Variants in PROS1 observed in about 807,000 individuals in gnomAD.
The protein encoded by PROS1 is protein S.
In PROS1, 29 loss-of-function variants were observed where a neutral mutation model predicts 75.9. The observed-to-expected ratio is 0.38, with a 90% CI of 0.28 to 0.52. The LOEUF (loss-of-function observed/expected upper bound fraction) is 0.52, where lower values mean the gene tolerates loss of function less well. PROS1 is among the 20% of genes least tolerant of loss of function. The probability of loss-of-function intolerance (pLI) is 0.83; values close to 1 mark genes in which losing one functional copy is unlikely to be tolerated. For missense variants in PROS1, 680 were observed against 810.3 expected, an observed-to-expected ratio of 0.84 and a Z score of 1.95; for synonymous variants, 245 against 280.6, an observed-to-expected ratio of 0.87 and a Z score of 1.27.
chr3:93,916,670 A>T (rs1407116751), intron 3 of PROS1, among the ~76,000 whole-genome samples: 1 of 152,184 alleles, frequency 6.6e-6, no homozygotes, highest in Non-Finnish European at 1.5e-5. Flanking sequence ...CTGTAAACTG[A>T]TGCGGAAGCT....
intron 1 of PROS1, among the ~76,000 whole-genome samples, chr3:93,967,102 A>C (rs190045410): frequency 6.6e-6 from 1 of 152,232 alleles, no homozygotes; most frequent in African/African-American, 2.4e-5. Flanking sequence ...GCCACACTGG[A>C]TCTGCCACAT....
chr3:93,937,745 T>G (rs1709208370), intron 1 of PROS1, among the ~76,000 whole-genome samples: 2 of 152,192 alleles, frequency 1.3e-5, no homozygotes, highest in South Asian at 4.1e-4. Context: ...CTGCCTGTCT[T>G]TGGTTTCACT....
At position 93,973,893 on chromosome 3, in the gene PROS1, G is replaced by C; in HGVS notation, c.-144C>G. On this transcript the variant is annotated 5_prime_UTR_variant, in exon 1 of 15. Transcript: ENST00000394236. ...GCCAGCGACCCAGCGAGCCTCGGCG[G>C]AACAGCCGGGGGCGGAGGAGACCGC... The C allele has an allele frequency of 1.8e-6, 1 of 545,036 alleles. No homozygotes were observed. Among genetic ancestry groups the C allele is most frequent in the Non-Finnish European group, 2.9e-6 (1 of 346,742 alleles). 33.8% of individuals were successfully genotyped at this position (545,036 alleles called of 1,614,324 possible).
At chr3:93,918,001 C>A (rs1429633402) in intron 3 of PROS1, among the ~76,000 whole-genome samples, 1 of 152,206 alleles carries the variant, frequency 6.6e-6, no homozygotes, top group Non-Finnish European at 1.5e-5. Context: ...GGCAGCTCCA[C>A]CTGCAGCCCC....
chr3:93,945,696 C>A (rs1295809549), intron 1 of PROS1, among the ~76,000 whole-genome samples: 1 of 152,108 alleles, frequency 6.6e-6, no homozygotes, highest in Non-Finnish European at 1.5e-5. Context: ...AACCCACAGC[C>A]AATATCATAC....
Position 93,876,544 on chromosome 3 carries a change from G to T in PROS1, c.1870+422C>A, listed in dbSNP as rs555036778. On this transcript the variant is annotated intron_variant, in intron 14 of 14. Transcript: ENST00000394236. ...GCGGAGCTTGCAGTGAGCCGAGATC[G>T]TGCCACTGCACTCCAGCCTGGGCGA... Among the ~76,000 whole-genome samples the T allele has an allele frequency of 1.9e-4, 26 of 133,514 alleles. No individual in the cohort carries two copies. In the Admixed American group the frequency reaches 2.2e-3, roughly 11 times the overall value. 87.6% of individuals were successfully genotyped at this position (133,514 alleles called of 152,430 possible).
intron 14 of PROS1, among the ~76,000 whole-genome samples, chr3:93,875,683 ATCTATCTGTCTGTCTT>A (rs1708175298): frequency 1.4e-5 from 2 of 147,984 alleles, no homozygotes; most frequent in African/African-American, 5.0e-5. Flanking sequence ...TCTATCATCT[ATCTATCTGTCTGTCTT>A]TCTATAGCTT....
chr3:93,885,217 G>C (rs186153590), intron 11 of PROS1, among the ~76,000 whole-genome samples: 1 of 152,070 alleles, frequency 6.6e-6, no homozygotes, highest in Admixed American at 6.6e-5. Flanking sequence ...TGTGGCCCTG[G>C]GCTCTAAGTT....
At chr3:93,971,359 A>G (rs1238651589) in intron 1 of PROS1, among the ~76,000 whole-genome samples, 4 of 1,490 alleles carry the variant, frequency 2.7e-3, no homozygotes, top group Admixed American at 0.014. Context: ...CCATCTCTAA[A>G]TAAATAAATA....
rs1559928048 is a variant in PROS1, at chr3:93,879,198, C to T, written c.1609G>A (p.Val537Met). 6 of 1,613,996 alleles carry T rather than the reference C, an allele frequency of 3.7e-6. No homozygotes were observed. Among genetic ancestry groups the T allele is most frequent in the South Asian group, 1.1e-5 (1 of 91,080 alleles). Residue 537 changes from valine (V) to methionine (M), a missense_variant, in exon 13 of 15, where the codon GTG becomes ATG. Coordinates refer to ENST00000394236, the MANE Select transcript of PROS1 (RefSeq NM_000313.4). ...VSGNNTVPFA[V>M]SLVDSTSEKS... ...TCAGAGGTGGAGTCCACCAAGGACA[C>T]AGCAAAGGGCACTGTGTTGTTACCA... is the stretch of plus-strand genomic sequence containing the variant.
At chr3:93,905,753 A>G in intron 6 of PROS1, 31 bp downstream of exon 6, 5 of 1,604,238 alleles carry the variant, frequency 3.1e-6, no homozygotes, top group Admixed American at 1.7e-5. Context: ...CACATAGTAA[A>G]TGTGTTTTAA....
At chr3:93,898,800 C>T (rs1407947752) in intron 7 of PROS1, among the ~76,000 whole-genome samples, 1 of 151,784 alleles carries the variant, frequency 6.6e-6, no homozygotes, top group Non-Finnish European at 1.5e-5. Flanking sequence ...TAATTTATAA[C>T]TTTCAGTGAT....
intron 7 of PROS1, among the ~76,000 whole-genome samples, chr3:93,899,076 T>C (rs1348980857): frequency 6.6e-6 from 1 of 151,420 alleles, no homozygotes; most frequent in African/African-American, 2.4e-5. Context: ...AGGAATTAAA[T>C]GACAATATCA....
At chr3:93,946,436 T>C (rs539500304) in intron 1 of PROS1, among the ~76,000 whole-genome samples, 7 of 152,172 alleles carry the variant, frequency 4.6e-5, no homozygotes, top group Non-Finnish European at 7.3e-5. Flanking sequence ...CAAAACAGCA[T>C]GGTACTGGTA....
chr3:93,904,096 G>A (rs1166566312), intron 6 of PROS1, among the ~76,000 whole-genome samples: 1 of 151,542 alleles, frequency 6.6e-6, no homozygotes, highest in Non-Finnish European at 1.5e-5. Flanking sequence ...ATAGTTTACT[G>A]AGAATGATGA....
intron 12 of PROS1, among the ~76,000 whole-genome samples, chr3:93,880,853 T>A (rs1187463081): frequency 6.6e-6 from 1 of 152,218 alleles, no homozygotes; most frequent in African/African-American, 2.4e-5. Context: ...TTATTTTCAT[T>A]ACCTTTTCAG....
chr3:93,957,493 C>T (rs1311091530), intron 1 of PROS1, among the ~76,000 whole-genome samples: 3 of 152,074 alleles, frequency 2.0e-5, no homozygotes, highest in Non-Finnish European at 4.4e-5. Context: ...ACAATGAGAC[C>T]CAAAGGTCTA....
intron 7 of PROS1, among the ~76,000 whole-genome samples, chr3:93,899,623 G>A (rs1313570520): frequency 6.6e-6 from 1 of 152,130 alleles, no homozygotes. Context: ...GGGGCTGGCA[G>A]GGGAATATTT....
At chr3:93,874,484 C>T (rs1356857206) in intron 14 of PROS1, 79 bp from the exon 15 acceptor site, 2 of 1,559,792 alleles carry the variant, frequency 1.3e-6, no homozygotes, top group African/African-American at 2.7e-5. Context: ...GTCATTCAGA[C>T]TTCCTGTTTC....
Sources: gnomAD v4.1 joint callset for allele counts (sites outside exome capture counted in the v4.1 genomes callset) on GRCh38, gnomAD v4.1.1 for gene constraint, MANE v1.5 for transcripts, NCBI Gene and HGNC (gene_info 2026-07-23, HGNC 2026-07-21) for gene names.